Variants in TNRC6C observed in about 807,000 individuals in gnomAD.
The protein encoded by TNRC6C is trinucleotide repeat containing adaptor 6C.
A neutral mutation model predicts 153.7 loss-of-function variants in TNRC6C; 20 were observed. The observed-to-expected ratio is 0.13, with a 90% CI of 0.09 to 0.19. TNRC6C has a LOEUF of 0.19. TNRC6C is among the 10% of genes least tolerant of loss of function. TNRC6C has a pLI of 1.00. For synonymous variants in TNRC6C, 811 were observed against 841.4 expected (o/e 0.96, Z 0.63); for missense variants, 1,987 against 2,172.0 (o/e 0.91, Z 1.69).
intron 2 of TNRC6C, among the ~76,000 whole-genome samples, chr17:78,041,434 T>C (rs2072292797): frequency 6.6e-6 from 1 of 152,194 alleles, no homozygotes; most frequent in Admixed American, 6.5e-5. Context: ...GTTTCCTTCT[T>C]TATTTAATAG....
chr17:78,058,126 C>T (rs77516693), intron 3 of TNRC6C, among the ~76,000 whole-genome samples: 1 of 152,204 alleles, frequency 6.6e-6, no homozygotes, highest in Admixed American at 6.5e-5. Flanking sequence ...GCCTCAATTA[C>T]TCAGTCTCTG....
At position 78,018,933 on chromosome 17, in the gene TNRC6C, A is replaced by G. The variant is rs60028540; in HGVS notation, c.-545-12583A>G. Among the ~76,000 whole-genome samples, 42 of 152,286 alleles carry G rather than the reference A, an allele frequency of 2.8e-4. 1 individual carries two copies. In the East Asian group the frequency reaches 6.8e-3, roughly 24 times the overall value. On this transcript the variant is annotated intron_variant, in intron 1 of 19. Transcript: ENST00000301624. ...TTTGGCAGTCCATGTTAGGTTAGTA[A>G]GAGGAATTCTTGGTGGCAGCAGGTG... is the stretch of plus-strand genomic sequence containing the variant.
intron 1 of TNRC6C, among the ~76,000 whole-genome samples, chr17:78,018,187 C>T (rs1342466551): frequency 3.3e-5 from 5 of 152,028 alleles, no homozygotes; most frequent in Admixed American, 1.3e-4. Flanking sequence ...AGTGCAGTGG[C>T]GCAGTCTCGG....
At chr17:77,958,401 G>T (rs991385378), upstream of TNRC6C, among the ~76,000 whole-genome samples, 1 of 152,072 alleles carries the variant, frequency 6.6e-6, no homozygotes, top group Non-Finnish European at 1.5e-5. Context: ...CCGGCCACTC[G>T]GAGCGCGCAC....
intron 3 of TNRC6C, among the ~76,000 whole-genome samples, chr17:78,051,753 A>G (rs1041840309): frequency 3.3e-5 from 5 of 152,180 alleles, no homozygotes; most frequent in Non-Finnish European, 5.9e-5. Flanking sequence ...AAGCAATGAC[A>G]GTGCATGATT....
intron 2 of TNRC6C, among the ~76,000 whole-genome samples, chr17:78,043,933 A>G (rs1056954265): frequency 6.6e-6 from 1 of 152,134 alleles, no homozygotes; most frequent in African/African-American, 2.4e-5. Context: ...TCCATTGTGT[A>G]TATCTGCCAT....
At chr17:78,098,196 A>G in intron 16 of TNRC6C, 147 bp from the exon 20 acceptor site, 1 of 823,286 alleles carries the variant, frequency 1.2e-6, no homozygotes, top group Non-Finnish European at 1.8e-6. Flanking sequence ...TGGTTACTTG[A>G]GTTTGCCAGG....
chr17:77,959,487 C>T (rs1470967355), intron 1 of TNRC6C, among the ~76,000 whole-genome samples: 1 of 152,074 alleles, frequency 6.6e-6, no homozygotes, highest in Non-Finnish European at 1.5e-5. Flanking sequence ...TGCAGACGCC[C>T]GGTGTGCATC....
rs554854852 is a variant in TNRC6C, at chr17:78,085,026, G to C, written c.3478-1477G>C. On this transcript the variant is annotated intron_variant, in intron 11 of 19. Transcript: ENST00000301624. ...CACATGTGCAGTCCTATTGCTTTCA[G>C]TCCTGCCCGCCGGAGACCACTGACC... is the stretch of plus-strand genomic sequence containing the variant. Among the ~76,000 whole-genome samples, 13 of 152,262 alleles carry C rather than the reference G, an allele frequency of 8.5e-5. No homozygotes were observed. The South Asian group carries it at 2.5e-3, about 29-fold the overall frequency.
At chr17:78,032,317 C>CCTG in intron 2 of TNRC6C, among the ~76,000 whole-genome samples, 1 of 152,340 alleles carries the variant, frequency 6.6e-6, no homozygotes, top group Non-Finnish European at 1.5e-5. Flanking sequence ...CATCCTAAGC[C>CCTG]CTGCTTCTTG....
chr17:78,086,470 T>C, intron 11 of TNRC6C, 33 bp from the exon 14 acceptor site: 1 of 1,590,574 alleles, frequency 6.3e-7, no homozygotes, highest in Non-Finnish European at 8.6e-7. Context: ...CACTTAATTA[T>C]CATACTATTT....
chr17:78,044,245 G>C (rs1042234770), intron 2 of TNRC6C, among the ~76,000 whole-genome samples: 1 of 152,084 alleles, frequency 6.6e-6, no homozygotes, highest in African/African-American at 2.4e-5. Flanking sequence ...CAGTTAAGTT[G>C]GTTGCTAGTC....
At chr17:77,980,379 T>A (rs2071058140) in intron 1 of TNRC6C, among the ~76,000 whole-genome samples, 1 of 152,220 alleles carries the variant, frequency 6.6e-6, no homozygotes, top group South Asian at 2.1e-4. Context: ...GCTCTCACTC[T>A]ACAACAGTGA....
chr17:78,103,177 T>C (rs1490472206), intron 18 of TNRC6C, among the ~76,000 whole-genome samples: 1 of 152,218 alleles, frequency 6.6e-6, no homozygotes, highest in Non-Finnish European at 1.5e-5. Flanking sequence ...GGGGTTTTTC[T>C]CCTTCCTCTG....
intron 16 of TNRC6C, among the ~76,000 whole-genome samples, chr17:78,094,067 C>T (rs1019072358): frequency 6.6e-6 from 1 of 151,632 alleles, no homozygotes; most frequent in Admixed American, 6.6e-5. Flanking sequence ...GCAATCTCCA[C>T]CTTCTGGGTT....
rs138239660 is a variant in TNRC6C at position 78,011,343 on chromosome 17, A to G, written c.-546+6264A>G. ...TTTCTGATCCATCTCCTCTGTCCCC[A>G]CCCTACCCCCATCTGTCTCTAGGCA... is the stretch of plus-strand genomic sequence containing the variant. On this transcript the variant is annotated intron_variant, in intron 1 of 19. Coordinates refer to ENST00000301624, the Ensembl canonical transcript of TNRC6C. Among the ~76,000 whole-genome samples the G allele has an allele frequency of 1.0e-3, 152 of 152,222 alleles. 1 individual carries two copies. Among genetic ancestry groups the G allele is most frequent in the African/African-American group, 3.3e-3 (138 of 41,536 alleles).
chr17:78,051,723 G>A (rs1033948325), intron 3 of TNRC6C, among the ~76,000 whole-genome samples: 3 of 152,114 alleles, frequency 2.0e-5, no homozygotes, highest in East Asian at 1.9e-4. Context: ...GGTGGCCTGG[G>A]GTGGAGATGA....
intron 3 of TNRC6C, among the ~76,000 whole-genome samples, chr17:78,061,376 A>G (rs1409316674): frequency 1.3e-5 from 2 of 152,198 alleles, no homozygotes. Context: ...TGTGTGCTGA[A>G]AATACTTGTT....
chr17:78,021,912 A>G (rs1485653718), intron 1 of TNRC6C, among the ~76,000 whole-genome samples: 2 of 152,224 alleles, frequency 1.3e-5, no homozygotes, highest in Non-Finnish European at 2.9e-5. Flanking sequence ...CAATACCTAC[A>G]TAAGACTTTG....
Sources: gnomAD v4.1 joint callset for allele counts (sites outside exome capture counted in the v4.1 genomes callset) on GRCh38, gnomAD v4.1.1 for gene constraint, MANE v1.5 for transcripts, NCBI Gene and HGNC (gene_info 2026-07-23, HGNC 2026-07-21) for gene names.